Variants in NOS1 observed in about 807,000 individuals in gnomAD.
NOS1 encodes the protein nitric oxide synthase 1.
In NOS1, 51 loss-of-function variants were observed where a neutral mutation model predicts 164.5. That is an observed-to-expected ratio of 0.31 (90% CI 0.25 to 0.39). The LOEUF (loss-of-function observed/expected upper bound fraction) is 0.39. Ranked by LOEUF, NOS1 falls within the 10% of genes least tolerant of loss-of-function variation. NOS1 has a pLI of 1.00. For missense variants in NOS1, 1,362 were observed against 1,885.6 expected (o/e 0.72, Z 5.14); for synonymous variants, 719 against 745.8 (o/e 0.96, Z 0.59).
intron 17 of NOS1, among the ~76,000 whole-genome samples, chr12:117,251,773 C>A (rs1254293201): frequency 2.7e-5 from 4 of 149,694 alleles, no homozygotes. Context: ...GCTCTATCGT[C>A]CAGGCTGGAA....
intron 27 of NOS1, 38 bp from the exon 28 acceptor site, chr12:117,218,202 G>GC (rs748562221): frequency 6.8e-7 from 1 of 1,468,092 alleles, no homozygotes; most frequent in Admixed American, 1.7e-5. Context: ...GCTCTCAAAT[G>GC]CCAGATAAAG....
chr12:117,298,443 T>C (rs1873575724), intron 3 of NOS1, among the ~76,000 whole-genome samples: 1 of 152,170 alleles, frequency 6.6e-6, no homozygotes, highest in Non-Finnish European at 1.5e-5. Flanking sequence ...TACTGGTCTG[T>C]GGCCTGGGGT....
At chr12:117,240,279 T>C (rs2135951006) in intron 20 of NOS1, among the ~76,000 whole-genome samples, 1 of 152,324 alleles carries the variant, frequency 6.6e-6, no homozygotes, top group South Asian at 2.1e-4. Flanking sequence ...TCCCACTCCA[T>C]TTCTTTAATG....
At chr12:117,319,516 A>G (rs1009985602) in intron 2 of NOS1, among the ~76,000 whole-genome samples, 13 of 152,202 alleles carry the variant, frequency 8.5e-5, no homozygotes, top group African/African-American at 3.1e-4. Context: ...AGTGAGGTCA[A>G]TGTGTGGACT....
intron 9 of NOS1, among the ~76,000 whole-genome samples, chr12:117,277,594 A>G (rs1873292187): frequency 6.6e-6 from 1 of 151,688 alleles, no homozygotes; most frequent in South Asian, 2.1e-4. Context: ...ACCCTGTCTC[A>G]AAAAAAAGAA....
chr12:117,268,240 C>T (rs1297203693), intron 10 of NOS1, 96 bp from the exon 11 acceptor site: 1 of 850,068 alleles, frequency 1.2e-6, no homozygotes, highest in Non-Finnish European at 1.9e-6. Context: ...AATTTCTTTT[C>T]TTTTTTTTTA....
At chr12:117,321,396 G>A (rs199782550) in intron 2 of NOS1, among the ~76,000 whole-genome samples, 1 of 152,162 alleles carries the variant, frequency 6.6e-6, no homozygotes, top group African/African-American at 2.4e-5. Context: ...ACAGTGTCAG[G>A]GGCAGAATGG....
Position 117,209,413 on chromosome 12 carries a change from G to C in NOS1, c.*5896C>G. The C allele has an allele frequency of 3.0e-6, 3 of 985,426 alleles. No individual in the cohort carries two copies. The highest frequency in any genetic ancestry group is 3.6e-6 in the Non-Finnish European group (3 of 829,936). The allele number at this position is 985,426 out of a possible 1,614,324, so 61.0% of individuals were successfully genotyped here. ...TAGTGCTAAGGTTGACAGACCCTGC[G>C]CTACAGTCTCCTAGAACTTAGGAGT... On this transcript the variant is annotated 3_prime_UTR_variant, in exon 29 of 29. Coordinates refer to ENST00000317775, the MANE Select transcript of NOS1 (RefSeq NM_000620.5).
intron 7 of NOS1, among the ~76,000 whole-genome samples, chr12:117,283,337 C>T (rs1297371969): frequency 6.6e-6 from 1 of 152,150 alleles, no homozygotes; most frequent in Non-Finnish European, 1.5e-5. Flanking sequence ...GCTGGGATTT[C>T]GGGCGTGAGC....
At chr12:117,345,649 T>C (rs1356668976) in intron 1 of NOS1, among the ~76,000 whole-genome samples, 2 of 152,248 alleles carry the variant, frequency 1.3e-5, no homozygotes, top group Admixed American at 6.5e-5. Flanking sequence ...AAATAATGAT[T>C]ATGGTATCAG....
intron 1 of NOS1, among the ~76,000 whole-genome samples, chr12:117,351,861 T>A (rs1444767932): frequency 6.6e-6 from 1 of 152,212 alleles, no homozygotes; most frequent in Non-Finnish European, 1.5e-5. Context: ...TCCTGCCTCT[T>A]CTCCATCATC....
intron 20 of NOS1, among the ~76,000 whole-genome samples, chr12:117,236,485 T>C (rs754033592): frequency 6.6e-6 from 1 of 152,186 alleles, no homozygotes; most frequent in Non-Finnish European, 1.5e-5. Context: ...ACCATAATTG[T>C]GAATGGCAGT....
At chr12:117,217,046 C>T (rs575942936) in intron 28 of NOS1, among the ~76,000 whole-genome samples, 87 of 152,224 alleles carry the variant, frequency 5.7e-4, no homozygotes, top group Admixed American at 1.9e-3. Flanking sequence ...AGTGAAATTA[C>T]GATCAAGGTT....
chr12:117,229,621 C>T (rs1227037725), intron 22 of NOS1, among the ~76,000 whole-genome samples: 1 of 149,696 alleles, frequency 6.7e-6, no homozygotes, highest in African/African-American at 2.5e-5. Context: ...CAGATTCTCG[C>T]TCTGTCACCC....
chr12:117,215,174 G>A lies in NOS1; in HGVS notation c.*135C>T, dbSNP rs1347449261. ...CGAGGAAACCACTGAGGGGCGAGAA[G>A]CCCGAGGAGGGAAACCAGGGCACAG... On this transcript the variant is annotated 3_prime_UTR_variant, in exon 29 of 29. Transcript: ENST00000317775. The A allele has an allele frequency of 5.3e-6, 7 of 1,333,304 alleles. No individual in the cohort carries two copies. Among genetic ancestry groups the A allele is most frequent in the Non-Finnish European group, 6.8e-6 (7 of 1,032,184 alleles). 82.6% of individuals were successfully genotyped at this position (1,333,304 alleles called of 1,614,324 possible).
In NOS1 at chr12:117,258,399, C is replaced by T; in HGVS notation, c.2529G>A (p.Arg843=). 2 of 1,614,148 alleles carry T rather than the reference C, an allele frequency of 1.2e-6. No individual in the cohort carries two copies. The highest frequency in any genetic ancestry group is 1.7e-6 in the Non-Finnish European group (2 of 1,180,030). The change falls in exon 16 of 29, where the codon AGG becomes AGA. Residue 843 remains arginine, a splice_region_variant and synonymous_variant. Coordinates refer to ENST00000317775, the MANE Select transcript of NOS1 (RefSeq NM_000620.5). The part of the protein sequence containing the change: ...MRHPNSVQEE[R]KSYKVRFNSV... ...CGTCGGAGGGGTCATTCACTTACTT[C>T]CTTTCTTCCTGCACAGAGTTGGGGT...
At chr12:117,253,213 A>G (rs970460229) in intron 17 of NOS1, among the ~76,000 whole-genome samples, 9 of 152,146 alleles carry the variant, frequency 5.9e-5, no homozygotes, top group Admixed American at 3.3e-4. Flanking sequence ...GTATTAGTAC[A>G]CTGCAAACCT....
chr12:117,338,483 G>T (rs938876796), intron 1 of NOS1, among the ~76,000 whole-genome samples: 1 of 111,362 alleles, frequency 9.0e-6, no homozygotes, highest in Non-Finnish European at 1.7e-5. Flanking sequence ...GGTGGGGGGA[G>T]GGATAGCATT....
Position 117,212,095 on chromosome 12 carries a change from G to A in NOS1, c.*3214C>T, listed in dbSNP as rs1206520490. 3 of 984,718 alleles carry A rather than the reference G, an allele frequency of 3.0e-6. No individual in the cohort carries two copies. Among genetic ancestry groups the A allele is most frequent in the African/African-American group, 1.7e-5 (1 of 57,164 alleles). The allele number at this position is 984,718 out of a possible 1,614,324, so 61.0% of individuals were successfully genotyped here. ...AAAAATAGATTCTAACCTTCTGCAC[G>A]AGAGGAACTGTGTTTTGCTTATCTC... On this transcript the variant is annotated 3_prime_UTR_variant, in exon 29 of 29. Transcript: ENST00000317775.
Sources: gnomAD v4.1 joint callset for allele counts (sites outside exome capture counted in the v4.1 genomes callset) on GRCh38, gnomAD v4.1.1 for gene constraint, MANE v1.5 for transcripts, NCBI Gene and HGNC (gene_info 2026-07-23, HGNC 2026-07-21) for gene names.